The following CHCHD6 variants were observed in gnomAD, a reference collection of about 807,000 sequenced individuals.
CHCHD6 encodes the protein coiled-coil-helix-coiled-coil-helix domain containing 6.
CHCHD6 carries 28 observed loss-of-function variants against 32.3 expected under a neutral mutation model. The observed-to-expected ratio is 0.87, with a 90% CI of 0.64 to 1.19. CHCHD6 has a LOEUF of 1.19. CHCHD6 is among the 50% of genes most tolerant of loss of function. The probability of loss-of-function intolerance (pLI) is 0.00; values close to 1 mark genes in which losing one functional copy is unlikely to be tolerated. For missense variants in CHCHD6, 333 were observed against 307.0 expected, an observed-to-expected ratio of 1.08 and a Z score of -0.63; for synonymous variants, 122 against 117.5, an observed-to-expected ratio of 1.04 and a Z score of -0.25.
intron 4 of CHCHD6, among the ~76,000 whole-genome samples, chr3:126,737,219 C>T (rs987384431): frequency 2.6e-5 from 4 of 151,968 alleles, no homozygotes; most frequent in African/African-American, 4.8e-5. Context: ...ACTTGGGAGG[C>T]TGAGGCAGGA....
intron 4 of CHCHD6, 75 bp downstream of exon 4, chr3:126,733,297 C>G (rs1447826073): frequency 4.1e-5 from 58 of 1,417,834 alleles, no homozygotes; most frequent in Non-Finnish European, 4.3e-5. Flanking sequence ...GGCCCTGGCA[C>G]CTGGTTAGTC....
At chr3:126,872,460 C>A (rs1027582958) in intron 5 of CHCHD6, among the ~76,000 whole-genome samples, 1 of 152,114 alleles carries the variant, frequency 6.6e-6, no homozygotes, top group African/African-American at 2.4e-5. Flanking sequence ...AAAAGATTTC[C>A]ACCGCAGAGT....
chr3:126,735,351 G>C (rs536328328), intron 4 of CHCHD6, among the ~76,000 whole-genome samples: 2 of 152,238 alleles, frequency 1.3e-5, no homozygotes, highest in Non-Finnish European at 2.9e-5. Flanking sequence ...CAGGTCTCTA[G>C]ATGGATAATA....
intron 5 of CHCHD6, among the ~76,000 whole-genome samples, chr3:126,870,188 A>G (rs900423788): frequency 1.2e-4 from 18 of 152,228 alleles, no homozygotes; most frequent in Non-Finnish European, 2.4e-4. Context: ...GAACATGCCT[A>G]CTAGAATGTA....
chr3:126,766,392 G>A (rs898363539), intron 4 of CHCHD6: 87 of 527,252 alleles, frequency 1.7e-4, no homozygotes, highest in Admixed American at 9.5e-4. Flanking sequence ...GGAAGTGACA[G>A]CTGCCACGAG....
At chr3:126,780,028 G>A (rs1937856465) in intron 4 of CHCHD6, among the ~76,000 whole-genome samples, 1 of 152,190 alleles carries the variant, frequency 6.6e-6, no homozygotes, top group Non-Finnish European at 1.5e-5. Context: ...TCCAGATCCT[G>A]CCAATGAGCT....
chr3:126,924,813 G>A (rs2078299921), intron 6 of CHCHD6, among the ~76,000 whole-genome samples: 1 of 152,192 alleles, frequency 6.6e-6, no homozygotes, highest in African/African-American at 2.4e-5. Context: ...TGGGCCTGGA[G>A]GACCTCTCCT....
intron 4 of CHCHD6, among the ~76,000 whole-genome samples, chr3:126,762,721 G>A (rs547750208): frequency 1.4e-4 from 21 of 152,024 alleles, no homozygotes; most frequent in Non-Finnish European, 2.8e-4. Flanking sequence ...TTTTATGAAC[G>A]TTTGCTTCCT....
chr3:126,887,725 A>C (rs1294406089), intron 5 of CHCHD6, among the ~76,000 whole-genome samples: 1 of 152,172 alleles, frequency 6.6e-6, no homozygotes, highest in Non-Finnish European at 1.5e-5. Context: ...GGCCTCCCGG[A>C]AACACCGTGC....
At chr3:126,791,582 A>G (rs1465851624) in intron 4 of CHCHD6, among the ~76,000 whole-genome samples, 1 of 152,250 alleles carries the variant, frequency 6.6e-6, no homozygotes, top group Non-Finnish European at 1.5e-5. Context: ...CTGCTGTGCT[A>G]ACAATGAGCG....
intron 6 of CHCHD6, among the ~76,000 whole-genome samples, chr3:126,929,066 A>G (rs2078365390): frequency 6.6e-6 from 1 of 152,228 alleles, no homozygotes; most frequent in Non-Finnish European, 1.5e-5. Flanking sequence ...CTGAGGCTTT[A>G]TAGAGCACAG....
intron 6 of CHCHD6, among the ~76,000 whole-genome samples, chr3:126,923,798 C>T (rs1004719564): frequency 1.3e-5 from 2 of 152,178 alleles, no homozygotes; most frequent in African/African-American, 2.4e-5. Flanking sequence ...AGTAAGCACT[C>T]GATGCATGGT....
intron 4 of CHCHD6, among the ~76,000 whole-genome samples, chr3:126,846,557 A>G (rs753726593): frequency 3.3e-5 from 5 of 152,254 alleles, no homozygotes; most frequent in Non-Finnish European, 5.9e-5. Flanking sequence ...GGAAATAGCA[A>G]GAGAGAAGTG....
chr3:126,957,849 G>T, intron 7 of CHCHD6: 1 of 492,900 alleles, frequency 2.0e-6, no homozygotes, highest in South Asian at 2.1e-5. Flanking sequence ...TTCAAGGGCC[G>T]GGCCCCTTGT....
chr3:126,746,221 T>C (rs1024769528), intron 4 of CHCHD6, among the ~76,000 whole-genome samples: 6 of 152,196 alleles, frequency 3.9e-5, no homozygotes, highest in Non-Finnish European at 5.9e-5. Context: ...AGCCTTTGCC[T>C]CTGCGCTTGT....
At chr3:126,750,653 G>C (rs1936686838) in intron 4 of CHCHD6, among the ~76,000 whole-genome samples, 2 of 152,228 alleles carry the variant, frequency 1.3e-5, no homozygotes, top group African/African-American at 2.4e-5. Flanking sequence ...GATACCCCTA[G>C]CATGTGAGGC....
rs1936939850 is a variant in CHCHD6, at chr3:126,755,882, T to C, written c.411+22660T>C. ...TGTGTGTGTGTGTAGACACAGACAT[T>C]CCTTATGCCTGGTCCTGGATCAGGT... On this transcript the variant is annotated intron_variant, in intron 4 of 7. Coordinates refer to ENST00000290913, the MANE Select transcript of CHCHD6 (RefSeq NM_032343.3). Among the ~76,000 whole-genome samples the C allele has an allele frequency of 2.0e-5, 3 of 147,986 alleles. No individual in the cohort carries two copies. The Admixed American group carries it at 2.0e-4, about 10-fold the overall frequency.
chr3:126,780,627 G>A (rs1559839329), intron 4 of CHCHD6, among the ~76,000 whole-genome samples: 1 of 152,158 alleles, frequency 6.6e-6, no homozygotes, highest in Non-Finnish European at 1.5e-5. Flanking sequence ...TAGACTTGCA[G>A]TGGCCTTGAT....
intron 4 of CHCHD6, among the ~76,000 whole-genome samples, chr3:126,815,471 G>A (rs528458102): frequency 5.9e-5 from 9 of 152,252 alleles, no homozygotes; most frequent in Middle Eastern, 3.4e-3. Context: ...CCTCCACCTC[G>A]TTGTCTAAGC....
Sources: gnomAD v4.1 joint callset for allele counts (sites outside exome capture counted in the v4.1 genomes callset) on GRCh38, gnomAD v4.1.1 for gene constraint, MANE v1.5 for transcripts, NCBI Gene and HGNC (gene_info 2026-07-23, HGNC 2026-07-21) for gene names.